Variants in HPSE2 observed in about 807,000 individuals in gnomAD.
The protein encoded by HPSE2 is inactive heparanase-2.
HPSE2 carries 38 observed loss-of-function variants against 60.5 expected under a neutral mutation model. The observed-to-expected ratio is 0.63, with a 90% CI of 0.48 to 0.82. HPSE2 has a LOEUF of 0.82. HPSE2 is among the 40% of genes least tolerant of loss of function. HPSE2 has a pLI of 0.00. For missense variants in HPSE2, 713 were observed against 740.4 expected (o/e 0.96, Z 0.43); for synonymous variants, 295 against 293.2 (o/e 1.01, Z -0.06).
At chr10:98,720,414 A>G (rs933365284) in intron 5 of HPSE2, among the ~76,000 whole-genome samples, 2 of 152,168 alleles carry the variant, frequency 1.3e-5, no homozygotes, top group Admixed American at 6.6e-5. Context: ...AAGTTAAAAC[A>G]ACCATGCAAC....
chr10:98,600,182 G>C (rs572106261), intron 9 of HPSE2, among the ~76,000 whole-genome samples: 2 of 152,094 alleles, frequency 1.3e-5, no homozygotes, highest in Non-Finnish European at 2.9e-5. Context: ...TACCCTCAAG[G>C]AGCTTATATT....
rs372169556 is a variant in HPSE2, at chr10:98,620,625, G to C, written c.1182C>G (p.Ser394=). 1 of 1,613,910 alleles carries C rather than the reference G, an allele frequency of 6.2e-7. No homozygotes were observed. The highest frequency in any genetic ancestry group is 8.5e-7 in the Non-Finnish European group (1 of 1,179,856). ...ACAAGAATCCTGCAGCATAGGAATCGGATAGATTGTTTGTGCCTCCAGCTG... is the reference window on the plus strand; with the variant it reads ...ACAAGAATCCTGCAGCATAGGAATCCGATAGATTGTTTGTGCCTCCAGCTG... ...TTSAGGTNNL[S]DSYAAGFLWL... is the part of the protein sequence containing the mutation. The change falls in exon 8 of 12, where the codon TCC becomes TCG. Residue 394 remains serine, a synonymous_variant. Coordinates refer to ENST00000370552, the MANE Select transcript of HPSE2 (RefSeq NM_021828.5).
chr10:99,231,163 G>A (rs941492501), intron 2 of HPSE2, among the ~76,000 whole-genome samples: 1 of 152,074 alleles, frequency 6.6e-6, no homozygotes, highest in African/African-American at 2.4e-5. Flanking sequence ...AAAAAAAAAT[G>A]TTCCTCTGCC....
At chr10:98,692,624 C>A (rs975873795) in intron 6 of HPSE2, among the ~76,000 whole-genome samples, 1 of 152,010 alleles carries the variant, frequency 6.6e-6, no homozygotes, top group African/African-American at 2.4e-5. Flanking sequence ...AAAAAATTAG[C>A]CGGGCATGGG....
intron 3 of HPSE2, among the ~76,000 whole-genome samples, chr10:99,136,639 C>T (rs994648486): frequency 2.6e-5 from 4 of 152,136 alleles, no homozygotes; most frequent in Admixed American, 1.3e-4. Flanking sequence ...ATCACAAAAA[C>T]CACATGATTA....
chr10:99,062,289 C>T (rs1275183126), intron 3 of HPSE2, among the ~76,000 whole-genome samples: 1 of 151,982 alleles, frequency 6.6e-6, no homozygotes, highest in African/African-American at 2.4e-5. Flanking sequence ...AGTGTCCCTG[C>T]TCCTGTCCAA....
chr10:99,014,568 C>A (rs1957092568), intron 3 of HPSE2, among the ~76,000 whole-genome samples: 1 of 152,174 alleles, frequency 6.6e-6, no homozygotes, highest in African/African-American at 2.4e-5. Flanking sequence ...TACACCCCCA[C>A]AAACAGTGTA....
At chr10:99,259,936 T>G in the HPSE2 span, among the ~76,000 whole-genome samples, 1 of 152,188 alleles carries the variant, frequency 6.6e-6, no homozygotes, top group African/African-American at 2.4e-5. Flanking sequence ...TGGTACAGTT[T>G]CAACCCGAAA....
the HPSE2 span, among the ~76,000 whole-genome samples, chr10:99,283,640 A>G: frequency 6.6e-6 from 1 of 152,074 alleles, no homozygotes; most frequent in Admixed American, 6.6e-5. Context: ...GAGAAGACCC[A>G]AATTACTCAA....
chr10:98,490,114 G>A lies in HPSE2; in HGVS notation c.1403C>T (p.Pro468Leu), dbSNP rs143754332. 30 of 1,614,106 alleles carry A rather than the reference G, an allele frequency of 1.9e-5. No homozygotes were observed. In the African/African-American group the frequency reaches 4.0e-4, roughly 22 times the overall value. ...AVHVAGLQRKPRPGRVIRDKL... is the reference protein window; with the variant it reads ...AVHVAGLQRKLRPGRVIRDKL... ...GTCCCGGATCACTCGGCCAGGCCGT[G>A]GCTTCCGCTGGAGCCCAGCCACATG... The change falls in exon 10 of 12, where the codon CCA becomes CTA. Residue 468 changes from proline (P) to leucine (L), a missense_variant. Physicochemically the swap from Pro to Leu is moderately conservative, Grantham distance 98 (BLOSUM62 -3). Coordinates refer to ENST00000370552, the MANE Select transcript of HPSE2 (RefSeq NM_021828.5).
At chr10:98,594,807 T>G (rs1444156177) in intron 9 of HPSE2, among the ~76,000 whole-genome samples, 1 of 152,208 alleles carries the variant, frequency 6.6e-6, no homozygotes, top group Non-Finnish European at 1.5e-5. Flanking sequence ...TCATTTCCTT[T>G]GGATATATAT....
intron 3 of HPSE2, among the ~76,000 whole-genome samples, chr10:98,809,526 A>G (rs1018077624): frequency 2.8e-5 from 4 of 142,644 alleles, no homozygotes; most frequent in African/African-American, 7.4e-5. Context: ...GTTTATGTGT[A>G]TATATATATA....
At chr10:98,990,102 C>T (rs548184529) in intron 3 of HPSE2, among the ~76,000 whole-genome samples, 1 of 152,310 alleles carries the variant, frequency 6.6e-6, no homozygotes, top group East Asian at 1.9e-4. Flanking sequence ...GACTTAAAGC[C>T]TGCCACCAGA....
chr10:98,542,320 C>A (rs1943499005), intron 9 of HPSE2, among the ~76,000 whole-genome samples: 1 of 152,160 alleles, frequency 6.6e-6, no homozygotes, highest in Admixed American at 6.5e-5. Context: ...CACCAAAAAC[C>A]CATCTGTACC....
At chr10:98,486,805 C>T (rs1286250339) in intron 10 of HPSE2, among the ~76,000 whole-genome samples, 1 of 152,146 alleles carries the variant, frequency 6.6e-6, no homozygotes, top group Non-Finnish European at 1.5e-5. Flanking sequence ...CGGTAAAAGC[C>T]AGGCCATGTT....
At chr10:99,249,085 G>A in the HPSE2 span, among the ~76,000 whole-genome samples, 1 of 152,222 alleles carries the variant, frequency 6.6e-6, no homozygotes, top group Non-Finnish European at 1.5e-5. Flanking sequence ...GAGGGGAAAT[G>A]TGGGGTTGGA....
chr10:98,646,454 G>A (rs1272850059), intron 6 of HPSE2, among the ~76,000 whole-genome samples: 4 of 151,766 alleles, frequency 2.6e-5, no homozygotes, highest in South Asian at 2.1e-4. Context: ...ACAAGTCGTC[G>A]AGCTGTTCCA....
chr10:99,106,540 A>C (rs1472988241), intron 3 of HPSE2, among the ~76,000 whole-genome samples: 1 of 151,828 alleles, frequency 6.6e-6, no homozygotes, highest in Non-Finnish European at 1.5e-5. Context: ...GGGTCATGAT[A>C]TATATAATCT....
intron 9 of HPSE2, among the ~76,000 whole-genome samples, chr10:98,507,418 C>T (rs1942239445): frequency 1.3e-5 from 2 of 152,156 alleles, no homozygotes; most frequent in South Asian, 2.1e-4. Flanking sequence ...GTATAGGCTG[C>T]CATCTCTGAA....
Sources: allele counts gnomAD v4.1 joint callset (sites outside exome capture counted in the v4.1 genomes callset), GRCh38; gene constraint gnomAD v4.1.1; transcripts MANE v1.5; gene names NCBI Gene and HGNC (gene_info 2026-07-23, HGNC 2026-07-21).